The following UST variants were observed in gnomAD, a reference collection of about 807,000 sequenced individuals.
UST encodes chondroitin sulfate 2-O-sulfotransferase.
UST carries 21 observed loss-of-function variants against 45.6 expected under a neutral mutation model. That is an observed-to-expected ratio of 0.46 (90% CI 0.33 to 0.66). UST has a LOEUF of 0.66. UST is among the 30% of genes least tolerant of loss of function. UST has a pLI of 0.02. For synonymous variants in UST, 215 were observed against 200.6 expected (o/e 1.07, Z -0.61); for missense variants, 463 against 512.4 (o/e 0.90, Z 0.93).
At chr6:148,975,012 T>G (rs2114972750) in intron 5 of UST, among the ~76,000 whole-genome samples, 1 of 152,356 alleles carries the variant, frequency 6.6e-6, no homozygotes, top group East Asian at 1.9e-4. Flanking sequence ...AAGACAAAGT[T>G]ATCAAGTTCA....
chr6:149,008,298 T>C (rs1266350238), intron 5 of UST, among the ~76,000 whole-genome samples: 1 of 152,238 alleles, frequency 6.6e-6, no homozygotes, highest in Non-Finnish European at 1.5e-5. Flanking sequence ...GCAATCAGTA[T>C]TTCTAAGGTC....
chr6:148,826,400 A>G (rs989590071), intron 1 of UST, among the ~76,000 whole-genome samples: 1 of 150,450 alleles, frequency 6.6e-6, no homozygotes. Flanking sequence ...GGCATGAGCC[A>G]TGGTGCCCAG....
At chr6:148,837,890 A>T (rs1223844398) in intron 1 of UST, among the ~76,000 whole-genome samples, 1 of 152,076 alleles carries the variant, frequency 6.6e-6, no homozygotes, top group Non-Finnish European at 1.5e-5. Context: ...TTTTGTAGAG[A>T]CGGGGTTTCG....
chr6:148,838,121 G>C (rs1777824064), intron 1 of UST, among the ~76,000 whole-genome samples: 1 of 152,232 alleles, frequency 6.6e-6, no homozygotes, highest in Non-Finnish European at 1.5e-5. Flanking sequence ...ACTAGGGATA[G>C]AGTGAAGGAA....
At chr6:148,785,500 T>G (rs1776718011) in intron 1 of UST, among the ~76,000 whole-genome samples, 1 of 152,242 alleles carries the variant, frequency 6.6e-6, no homozygotes, top group South Asian at 2.1e-4. Flanking sequence ...AGTGCTATAT[T>G]AATTTGCCTT....
At chr6:148,948,151 CA>C (rs1174254138) in intron 3 of UST, among the ~76,000 whole-genome samples, 5 of 152,168 alleles carry the variant, frequency 3.3e-5, no homozygotes, top group African/African-American at 1.2e-4. Context: ...AGGGCTACCC[CA>C]TACTGTGGGA....
intron 7 of UST, among the ~76,000 whole-genome samples, chr6:149,024,287 C>G (rs1319458436): frequency 6.6e-6 from 1 of 152,224 alleles, no homozygotes; most frequent in African/African-American, 2.4e-5. Flanking sequence ...CACTCAGTGA[C>G]TGTTCTGAGT....
intron 1 of UST, among the ~76,000 whole-genome samples, chr6:148,787,628 C>T (rs552460711): frequency 6.6e-6 from 1 of 152,314 alleles, no homozygotes; most frequent in African/African-American, 2.4e-5. Context: ...AGCATGATGC[C>T]TCCAGCTTTG....
chr6:148,831,049 G>A (rs72999194), intron 1 of UST, among the ~76,000 whole-genome samples: 9,481 of 133,748 alleles, frequency 0.071, 492 homozygotes, highest in East Asian at 0.33. Flanking sequence ...AAAGAAAGAT[G>A]AAAGAAAAAG....
intron 7 of UST, among the ~76,000 whole-genome samples, chr6:149,056,683 T>C (rs1005571282): frequency 6.6e-6 from 1 of 152,250 alleles, no homozygotes; most frequent in Non-Finnish European, 1.5e-5. Flanking sequence ...GGTAGGGCTG[T>C]TAATTTGCAT....
At position 149,049,931 on chromosome 6, in the gene UST, T is replaced by TCTCACACACACA. The variant is rs1475301439; in HGVS notation, c.938-23901_938-23900insTCACACACACAC. On this transcript the variant is annotated intron_variant, in intron 7 of 7. Coordinates refer to ENST00000367463, the MANE Select transcript of UST (RefSeq NM_005715.3). ...TTGTCTCTCTCTCTCTCTCTCTCTC[T>TCTCACACACACA]CACACACACACACACACACACACAC... Among the ~76,000 whole-genome samples, 53 of 134,544 alleles carry TCTCACACACACA rather than the reference T, an allele frequency of 3.9e-4. 1 individual carries two copies. Among genetic ancestry groups the TCTCACACACACA allele is most frequent in the Middle Eastern group, 3.6e-3 (1 of 274 alleles). The allele number at this position is 134,544 out of a possible 152,430, so 88.3% of individuals were successfully genotyped here. A position where few individuals can be genotyped will look rare whatever the true frequency, so the allele number is the denominator to read the frequency against.
At chr6:148,791,525 C>G (rs1776847609) in intron 1 of UST, among the ~76,000 whole-genome samples, 2 of 152,170 alleles carry the variant, frequency 1.3e-5, no homozygotes, top group African/African-American at 2.4e-5. Flanking sequence ...TATTTCCACT[C>G]AATTGCTCAC....
rs1265115082 is a variant in UST at position 148,814,150 on chromosome 6, T to A, written c.247+66473T>A. Among the ~76,000 whole-genome samples, 5 of 152,276 alleles carry A rather than the reference T, an allele frequency of 3.3e-5. No homozygotes were observed. The South Asian group carries it at 1.0e-3, about 32-fold the overall frequency. ...TGGGGTAATAAGGACAGGACTCTGG[T>A]TGTTCACACTAATGACACAGTTTGC... On this transcript the variant is annotated intron_variant, in intron 1 of 7. Coordinates refer to ENST00000367463, the MANE Select transcript of UST (RefSeq NM_005715.3).
intron 2 of UST, among the ~76,000 whole-genome samples, chr6:148,916,043 A>C (rs1444393482): frequency 1.4e-5 from 2 of 147,444 alleles, no homozygotes; most frequent in African/African-American, 2.4e-5. Flanking sequence ...GCTTTCCTGC[A>C]GTTCTATTTT....
chr6:148,838,849 G>T (rs1777839788), intron 1 of UST, among the ~76,000 whole-genome samples: 1 of 152,068 alleles, frequency 6.6e-6, no homozygotes, highest in Non-Finnish European at 1.5e-5. Flanking sequence ...TGCATGTGAG[G>T]GCATAGGCAT....
At chr6:149,038,498 A>G (rs1776267056) in intron 7 of UST, among the ~76,000 whole-genome samples, 1 of 151,948 alleles carries the variant, frequency 6.6e-6, no homozygotes, top group East Asian at 1.9e-4. Context: ...GGAAACTAGA[A>G]GAGGAGGAAG....
At chr6:149,071,841 A>T (rs972001669) in intron 7 of UST, among the ~76,000 whole-genome samples, 1 of 152,248 alleles carries the variant, frequency 6.6e-6, no homozygotes, top group Non-Finnish European at 1.5e-5. Flanking sequence ...ACTTGAATAG[A>T]CATTTCTCTA....
chr6:149,019,909 C>G (rs370226971), intron 6 of UST, among the ~76,000 whole-genome samples: 2 of 152,272 alleles, frequency 1.3e-5, no homozygotes, highest in South Asian at 2.1e-4. Context: ...GCAGCCTCCC[C>G]AGATGCTTCT....
chr6:149,014,496 C>T (rs879701335), intron 5 of UST, among the ~76,000 whole-genome samples: 10 of 152,296 alleles, frequency 6.6e-5, no homozygotes, highest in South Asian at 2.1e-4. Flanking sequence ...AGAGAGTATG[C>T]GATGTGGCAC....
Sources: gnomAD v4.1 joint callset for allele counts (sites outside exome capture counted in the v4.1 genomes callset) on GRCh38, gnomAD v4.1.1 for gene constraint, MANE v1.5 for transcripts, NCBI Gene and HGNC (gene_info 2026-07-23, HGNC 2026-07-21) for gene names.